The following ADAM18 variants were observed in gnomAD, a reference collection of about 807,000 sequenced individuals.
The protein encoded by ADAM18 is ADAM metallopeptidase domain 18, also known as disintegrin and metalloproteinase domain-containing protein 18.
In ADAM18, 117 loss-of-function variants were observed where a neutral mutation model predicts 94.4. The observed-to-expected ratio is 1.24, with a 90% CI of 1.07 to 1.45. The LOEUF (loss-of-function observed/expected upper bound fraction) is 1.45, where lower values mean the gene tolerates loss of function less well. Among genes scored for constraint, ADAM18 ranks in the 40% most tolerant of loss-of-function variants. ADAM18 has a pLI of 0.00. For synonymous variants in ADAM18, 327 were observed against 291.6 expected (o/e 1.12, Z -1.24); for missense variants, 936 against 880.0 (o/e 1.06, Z -0.81).
Position 39,595,373 on chromosome 8 carries a change from G to A in ADAM18, c.132+10021G>A, listed in dbSNP as rs933514649. ...CTACACTGGACCCTGTTGACACTGT[G>A]CCTGTTGGTAGTTCCAGGTTGCTGT... On this transcript the variant is annotated intron_variant, in intron 2 of 19. Coordinates refer to ENST00000265707, the MANE Select transcript of ADAM18 (RefSeq NM_014237.3). Among the ~76,000 whole-genome samples, 3 of 152,332 alleles carry A rather than the reference G, an allele frequency of 2.0e-5. No homozygotes were observed. The East Asian group carries it at 5.8e-4, about 29-fold the overall frequency.
chr8:39,590,327 T>G (rs1779772213), intron 2 of ADAM18, among the ~76,000 whole-genome samples: 1 of 151,950 alleles, frequency 6.6e-6, no homozygotes, highest in East Asian at 1.9e-4. Context: ...CAGTAAACTA[T>G]CGCAAGAACA....
chr8:39,635,378 C>T (rs1414785193), intron 7 of ADAM18, among the ~76,000 whole-genome samples: 2 of 152,090 alleles, frequency 1.3e-5, no homozygotes, highest in Non-Finnish European at 2.9e-5. Flanking sequence ...TTCTAATGTT[C>T]ACTAATGATA....
intron 16 of ADAM18, among the ~76,000 whole-genome samples, chr8:39,686,782 T>C (rs1392162340): frequency 6.6e-6 from 1 of 152,238 alleles, no homozygotes; most frequent in East Asian, 1.9e-4. Flanking sequence ...AAGAAATGCG[T>C]AGGAATCAGA....
chr8:39,610,684 A>G lies in ADAM18; in HGVS notation c.500A>G (p.Tyr167Cys). 6.2e-7 allele frequency: 1 copy of G among 1,613,236 alleles called. No individual in the cohort carries two copies. Among genetic ancestry groups the G allele is most frequent in the Non-Finnish European group, 8.5e-7 (1 of 1,179,524 alleles). Residue 167 changes from tyrosine (Y) to cysteine (C), a missense_variant, in exon 6 of 20, where the codon TAC becomes TGC. By Grantham distance (194) the Tyr-to-Cys change is radical. Coordinates refer to ENST00000265707, the MANE Select transcript of ADAM18 (RefSeq NM_014237.3). ...CATATTTGGCAGAAAGACCAGCCCT[A>G]CAAAGTTCCTTTAAACTCACAGGTG... ...YSHIWQKDQPYKVPLNSQIKN... is the reference protein window; with the variant it reads ...YSHIWQKDQPCKVPLNSQIKN...
At chr8:39,663,017 A>G (rs972900922) in intron 12 of ADAM18, among the ~76,000 whole-genome samples, 5 of 152,214 alleles carry the variant, frequency 3.3e-5, no homozygotes, top group Admixed American at 3.3e-4. Context: ...AACATGGTAC[A>G]TAAATATATA....
intron 6 of ADAM18, chr8:39,611,516 T>G (rs1311587181): frequency 1.0e-6 from 1 of 985,176 alleles, no homozygotes; most frequent in Admixed American, 6.1e-5. Context: ...TGTCTCGATT[T>G]TGTAGTTCAT....
At chr8:39,657,317 T>C (rs1820715466) in intron 12 of ADAM18, among the ~76,000 whole-genome samples, 2 of 152,006 alleles carry the variant, frequency 1.3e-5, no homozygotes, top group African/African-American at 4.8e-5. Flanking sequence ...TTTGTTTGTT[T>C]GTTTTTGTTT....
At chr8:39,682,039 G>A (rs1563304758) in intron 16 of ADAM18, among the ~76,000 whole-genome samples, 2 of 152,238 alleles carry the variant, frequency 1.3e-5, no homozygotes, top group East Asian at 1.9e-4. Flanking sequence ...GGAAAACATG[G>A]TCAAGAGTGA....
Position 39,722,217 on chromosome 8 carries a change from G to GACA in ADAM18, c.2018-1531_2018-1530insACA, listed in dbSNP as rs1822777566. 2.8e-3 allele frequency among the ~76,000 whole-genome samples: 260 copies of GACA among 91,544 alleles called. 4 individuals carry two copies. Among genetic ancestry groups the GACA allele is most frequent in the African/African-American group, 0.013 (250 of 18,780 alleles). 60.1% of individuals were successfully genotyped at this position (91,544 alleles called of 152,430 possible). A position where few individuals can be genotyped will look rare whatever the true frequency, so the allele number is the denominator to read the frequency against. On this transcript the variant is annotated intron_variant, in intron 18 of 19. Transcript: ENST00000265707. ...TGTGTGTGTGTGTGTGTGTGTGTGTGTATATATATATATATATATATATAT... is the reference window on the plus strand; with the variant it reads ...TGTGTGTGTGTGTGTGTGTGTGTGTGACATATATATATATATATATATATATAT...
At chr8:39,642,159 A>G (rs1820255327) in intron 10 of ADAM18, among the ~76,000 whole-genome samples, 1 of 152,168 alleles carries the variant, frequency 6.6e-6, no homozygotes, top group Admixed American at 6.6e-5. Flanking sequence ...GATGCTAGAT[A>G]TTAAACCTTT....
In ADAM18 at chr8:39,692,674, G is replaced by A; in HGVS notation, c.1896G>A (p.Gly632=). 6.3e-7 allele frequency: 1 copy of A among 1,599,002 alleles called. No individual in the cohort carries two copies. The highest frequency in any genetic ancestry group is 1.1e-5 in the South Asian group (1 of 89,014). The change falls in exon 17 of 20, where the codon GGG becomes GGA. Residue 632 remains glycine, a synonymous_variant. Transcript: ENST00000265707. Reference sequence around the variant, plus strand: ...GTAATGCCACCACAAAATGCAAAGGGAAAGGGGTAAGTCACTTTTGTATCT... The same window carrying A: ...GTAATGCCACCACAAAATGCAAAGGAAAAGGGGTAAGTCACTTTTGTATCT... ...YNCNATTKCK[G]KGICNNFGNC...
chr8:39,621,311 A>T (rs1424997847), intron 6 of ADAM18, among the ~76,000 whole-genome samples: 2 of 43,046 alleles, frequency 4.6e-5, no homozygotes, highest in Admixed American at 3.4e-4. Context: ...TGACAAAATC[A>T]CACACACACA....
At chr8:39,717,416 C>A (rs1053917024) in intron 18 of ADAM18, among the ~76,000 whole-genome samples, 1 of 151,722 alleles carries the variant, frequency 6.6e-6, no homozygotes, top group East Asian at 1.9e-4. Context: ...TTATCTTTGC[C>A]AACTAGTTTT....
chr8:39,609,047 T>A lies in ADAM18; in HGVS notation c.194T>A (p.Phe65Tyr). Reference protein sequence around the residue: ...PYTLHLGKQSFLPQNFLVYTY... With the variant: ...PYTLHLGKQSYLPQNFLVYTY... ...ATTATTTCTTGGTTTTTTAGATCAT[T>A]CTTACCCCAGAACTTTTTGGTTTAT... The change falls in exon 4 of 20, where the codon TTC becomes TAC. Residue 65 changes from phenylalanine (F) to tyrosine (Y), a missense_variant. Physicochemically the swap from Phe to Tyr is conservative, Grantham distance 22. Transcript: ENST00000265707. 4.5e-6 allele frequency: 7 copies of A among 1,565,652 alleles called. No homozygotes were observed. The highest frequency in any genetic ancestry group is 6.1e-6 in the Non-Finnish European group (7 of 1,152,138).
intron 13 of ADAM18, among the ~76,000 whole-genome samples, chr8:39,664,835 A>G (rs1820948764): frequency 3.3e-5 from 5 of 152,190 alleles, no homozygotes; most frequent in Admixed American, 3.3e-4. Flanking sequence ...TCCAAGACAC[A>G]CATTTGGATA....
chr8:39,609,394 C>T, intron 4 of ADAM18, 91 bp from the exon 5 acceptor site: 2 of 818,400 alleles, frequency 2.4e-6, no homozygotes, highest in Non-Finnish European at 3.9e-6. Context: ...ATTATTAAAT[C>T]TTTTAATATT....
At chr8:39,653,762 A>T (rs904720455) in intron 12 of ADAM18, among the ~76,000 whole-genome samples, 4 of 152,242 alleles carry the variant, frequency 2.6e-5, no homozygotes, top group African/African-American at 9.6e-5. Context: ...TTATATTTTG[A>T]TACATGTATA....
intron 17 of ADAM18, among the ~76,000 whole-genome samples, chr8:39,695,587 A>T (rs1226097636): frequency 6.6e-6 from 1 of 151,056 alleles, no homozygotes; most frequent in African/African-American, 2.4e-5. Context: ...TATATCCTCC[A>T]TTATCCCCTT....
intron 15 of ADAM18, among the ~76,000 whole-genome samples, chr8:39,678,467 A>T (rs67151677): frequency 0.054 from 8,222 of 152,242 alleles, 340 homozygotes; most frequent in South Asian, 0.14. Context: ...GGATTAGTAC[A>T]TGGAAAGAAG....
Sources: gnomAD v4.1 joint callset for allele counts (sites outside exome capture counted in the v4.1 genomes callset) on GRCh38, gnomAD v4.1.1 for gene constraint, MANE v1.5 for transcripts, NCBI Gene and HGNC (gene_info 2026-07-23, HGNC 2026-07-21) for gene names.